The following ARL13B variants were observed in gnomAD, a reference collection of about 807,000 sequenced individuals.
ARL13B encodes ARF like GTPase 13B.
Under a neutral mutation model 56.1 loss-of-function variants are expected in ARL13B, and 36 were observed. The ratio of observed to expected loss-of-function variants is 0.64; its 90% CI spans 0.49 to 0.85. The LOEUF (loss-of-function observed/expected upper bound fraction) is 0.85, where lower values mean the gene tolerates loss of function less well. Among genes scored for constraint, ARL13B ranks in the 40% least tolerant of loss-of-function variants. The pLI, the probability that ARL13B is intolerant of heterozygous loss-of-function variation, is 0.00. For missense variants in ARL13B, 519 were observed against 507.1 expected (o/e 1.02, Z -0.23); for synonymous variants, 178 against 171.1 (o/e 1.04, Z -0.32).
chr3:94,030,590 C>T (rs1296323017), intron 3 of ARL13B, among the ~76,000 whole-genome samples: 2 of 151,896 alleles, frequency 1.3e-5, no homozygotes, highest in Non-Finnish European at 2.9e-5. Context: ...CTCTAAAATG[C>T]AAAAGCACCT....
chr3:94,015,238 C>G (rs1360382600), intron 3 of ARL13B: 1 of 1,573,096 alleles, frequency 6.4e-7, no homozygotes, highest in Admixed American at 2.0e-5. Context: ...TTCCTTTGTT[C>G]TCTGCTTTAG....
chr3:94,019,705 A>G (rs35929728), intron 3 of ARL13B, among the ~76,000 whole-genome samples: 13,236 of 152,178 alleles, frequency 0.087, 655 homozygotes, highest in Middle Eastern at 0.19. Context: ...AGGAAAAACT[A>G]GAGCCTACAA....
intron 3 of ARL13B, among the ~76,000 whole-genome samples, chr3:94,008,006 T>G (rs1331893832): frequency 1.3e-5 from 2 of 152,180 alleles, no homozygotes; most frequent in African/African-American, 4.8e-5. Context: ...GATAAGTCAC[T>G]TTACTTCTTT....
intron 1 of ARL13B, among the ~76,000 whole-genome samples, chr3:93,984,582 T>G (rs1710361306): frequency 1.3e-5 from 2 of 152,116 alleles, no homozygotes; most frequent in Admixed American, 1.3e-4. Context: ...CGTGTAACTT[T>G]CATTAAAAAC....
Position 93,996,670 on chromosome 3 carries a change from G to A in ARL13B, c.130+726G>A, listed in dbSNP as rs543349219. 8.6e-4 allele frequency: 362 copies of A among 421,066 alleles called. 2 individuals are homozygous for A. The highest frequency in any genetic ancestry group is 6.7e-3 in the African/African-American group (329 of 48,926). 26.1% of individuals were successfully genotyped at this position (421,066 alleles called of 1,614,324 possible). A position where few individuals can be genotyped will look rare whatever the true frequency, so the allele number is the denominator to read the frequency against. ...TGGGATTACAGGCATGAGCCACCAC[G>A]CCCAGCCCGGCCAGGTAATCTTAAT... On this transcript the variant is annotated intron_variant, in intron 2 of 9. Coordinates refer to ENST00000394222, the MANE Select transcript of ARL13B (RefSeq NM_001174150.2).
In ARL13B at chr3:93,983,979, A is replaced by G. The variant is rs115285286; in HGVS notation, c.59+3497A>G. On this transcript the variant is annotated intron_variant, in intron 1 of 9. Coordinates refer to ENST00000394222, the MANE Select transcript of ARL13B (RefSeq NM_001174150.2). ...GTTGACTAGAAGCCTTACTGATAAC[A>G]TGAATAGTCAGTTACCACATATTTT... 4.9e-3 allele frequency among the ~76,000 whole-genome samples: 750 copies of G among 152,304 alleles called. 2 individuals carry two copies. The highest frequency in any genetic ancestry group is 0.019 in the South Asian group (91 of 4,828).
At chr3:94,044,861 C>T (rs1218604066) in intron 7 of ARL13B, among the ~76,000 whole-genome samples, 5 of 148,718 alleles carry the variant, frequency 3.4e-5, no homozygotes, top group East Asian at 2.0e-4. Flanking sequence ...AAGTGAGGAG[C>T]GTCTCTGCCT....
intron 3 of ARL13B, among the ~76,000 whole-genome samples, chr3:94,029,547 G>T (rs535065710): frequency 1.3e-5 from 2 of 151,124 alleles, no homozygotes; most frequent in African/African-American, 4.9e-5. Flanking sequence ...CACCATGTTT[G>T]CCAGGCTGGT....
Position 94,013,827 on chromosome 3 carries a change from A to G in ARL13B, c.380+9919A>G, listed in dbSNP as rs140802543. ...CCGAGTGTGGTGGTGCACACCTGTA[A>G]TCCCAGCTACTCAGGAGGCTAAGGC... On this transcript the variant is annotated intron_variant, in intron 3 of 9. Coordinates refer to ENST00000394222, the MANE Select transcript of ARL13B (RefSeq NM_001174150.2). Among the ~76,000 whole-genome samples the G allele has an allele frequency of 2.2e-3, 333 of 152,260 alleles. 3 individuals are homozygous for G. The highest frequency in any genetic ancestry group is 7.7e-3 in the African/African-American group (318 of 41,550).
At chr3:94,044,596 G>A (rs189175070) in intron 7 of ARL13B, among the ~76,000 whole-genome samples, 35 of 137,496 alleles carry the variant, frequency 2.5e-4, no homozygotes, top group East Asian at 2.2e-3. Context: ...GGTGAGGAGC[G>A]TCTCTGCCCG....
At chr3:94,003,169 T>C (rs980709026) in intron 2 of ARL13B, among the ~76,000 whole-genome samples, 1 of 152,182 alleles carries the variant, frequency 6.6e-6, no homozygotes, top group Non-Finnish European at 1.5e-5. Flanking sequence ...TTATTGTAAA[T>C]ATAACTTTAA....
At chr3:94,043,752 G>A (rs1443694548) in intron 7 of ARL13B, among the ~76,000 whole-genome samples, 1 of 132,664 alleles carries the variant, frequency 7.5e-6, no homozygotes, top group Admixed American at 8.0e-5. Context: ...CCCTGCCTCG[G>A]GCTCCTGTGA....
At chr3:94,037,937 G>A (rs1411221551) in intron 5 of ARL13B, among the ~76,000 whole-genome samples, 1 of 151,958 alleles carries the variant, frequency 6.6e-6, no homozygotes, top group Admixed American at 6.6e-5. Flanking sequence ...GCCAGTTGTG[G>A]TCTGAGACCT....
Position 94,055,135 on chromosome 3 carries a change from C to T in ARL13B, c.*1872C>T. The stretch of plus-strand genomic sequence containing the variant: ...CTCTCTCAAAAATTAATTTTTATTC[C>T]TTAAGCATTTTAAAAACATTTTAAA... On this transcript the variant is annotated 3_prime_UTR_variant, in exon 10 of 10. Transcript: ENST00000394222. 1 of 363,122 alleles carries T rather than the reference C, an allele frequency of 2.8e-6. No homozygotes were observed. The highest frequency in any genetic ancestry group is 2.2e-5 in the South Asian group (1 of 46,074). 22.5% of individuals were successfully genotyped at this position (363,122 alleles called of 1,614,324 possible).
chr3:94,036,821 G>A, intron 5 of ARL13B, 67 bp downstream of exon 5: 1 of 1,501,700 alleles, frequency 6.7e-7, no homozygotes, highest in Non-Finnish European at 9.1e-7. Flanking sequence ...TTATGAATCA[G>A]TTGTTAGTTT....
chr3:93,990,796 G>A (rs905914308), intron 1 of ARL13B, among the ~76,000 whole-genome samples: 1 of 152,082 alleles, frequency 6.6e-6, no homozygotes, highest in Non-Finnish European at 1.5e-5. Context: ...AATGTGATTG[G>A]TATTTTCTCG....
At chr3:94,052,597 G>A (rs545141885) in intron 9 of ARL13B, among the ~76,000 whole-genome samples, 1 of 152,138 alleles carries the variant, frequency 6.6e-6, no homozygotes. Flanking sequence ...GGGTAAGAAA[G>A]AGAAAATATA....
chr3:94,031,839 A>G (rs1450947025), intron 3 of ARL13B, among the ~76,000 whole-genome samples: 1 of 152,180 alleles, frequency 6.6e-6, no homozygotes, highest in Non-Finnish European at 1.5e-5. Flanking sequence ...AACCCAGATG[A>G]TGGGTACAGC....
At chr3:94,049,075 G>T (rs1463022766) in intron 7 of ARL13B, among the ~76,000 whole-genome samples, 2 of 151,968 alleles carry the variant, frequency 1.3e-5, no homozygotes, top group Non-Finnish European at 2.9e-5. Flanking sequence ...AGATTATTAT[G>T]AAGTTCATGG....
Sources: gnomAD v4.1 joint callset for allele counts (sites outside exome capture counted in the v4.1 genomes callset) on GRCh38, gnomAD v4.1.1 for gene constraint, MANE v1.5 for transcripts, NCBI Gene and HGNC (gene_info 2026-07-23, HGNC 2026-07-21) for gene names.